The following MTR variants were observed in gnomAD, a reference collection of about 807,000 sequenced individuals.
MTR encodes methionine synthase.
Under a neutral mutation model 154.8 loss-of-function variants are expected in MTR, and 84 were observed. The ratio of observed to expected loss-of-function variants is 0.54; its 90% confidence interval spans 0.45 to 0.65. The LOEUF (loss-of-function observed/expected upper bound fraction) is 0.65, where lower values mean the gene tolerates loss of function less well. MTR is among the 30% of genes least tolerant of loss of function. MTR has a pLI of 0.00. For missense variants in MTR, 1,275 were observed against 1,570.2 expected (o/e 0.81, Z 3.18); for synonymous variants, 554 against 553.9 (o/e 1.00, Z 0.00).
chr1:236,895,695 G>GTTAT, intron 31 of MTR, 145 bp downstream of exon 31: 1 of 626,612 alleles, frequency 1.6e-6, no homozygotes, highest in South Asian at 2.0e-5. Flanking sequence ...TTCACTCGTA[G>GTTAT]CTATTCTGCA....
At chr1:236,859,943 CT>C in intron 19 of MTR, 21 bp downstream of exon 19, 1 of 1,598,126 alleles carries the variant, frequency 6.3e-7, no homozygotes, top group African/African-American at 1.3e-5. Context: ...GGGGCCTGAA[CT>C]GGAGGGCTGG....
chr1:236,865,202 G>C (rs1664758461), intron 22 of MTR, among the ~76,000 whole-genome samples: 1 of 152,228 alleles, frequency 6.6e-6, no homozygotes, highest in Non-Finnish European at 1.5e-5. Flanking sequence ...TATGTGTTGG[G>C]CACTGAGGGT....
chr1:236,858,248 C>T (rs544591644), intron 18 of MTR, among the ~76,000 whole-genome samples: 1 of 152,222 alleles, frequency 6.6e-6, no homozygotes, highest in East Asian at 1.9e-4. Context: ...GTGAAAAGCA[C>T]GTCTTACATG....
rs1487152848 is a variant in MTR at position 236,897,103 on chromosome 1, G to C, written c.3696G>C (p.Lys1232Asn). 6.2e-7 allele frequency: 1 copy of C among 1,612,060 alleles called. No individual in the cohort carries two copies. The highest frequency in any genetic ancestry group is 8.5e-7 in the Non-Finnish European group (1 of 1,178,236). ...NLKSKYFAVG[K>N]ISKDQVEDYA... Reference sequence around the variant, plus strand: ...AGTCCAAATATTTTGCTGTGGGGAAGATTTCCAAGGATCAGGTAAGCTAGC... The same window carrying C: ...AGTCCAAATATTTTGCTGTGGGGAACATTTCCAAGGATCAGGTAAGCTAGC... The change falls in exon 32 of 33, where the codon AAG becomes AAC. Residue 1232 changes from lysine (K) to asparagine (N), a missense_variant. By Grantham distance (94) the Lys-to-Asn change is moderately conservative. Transcript: ENST00000366577.
intron 6 of MTR, among the ~76,000 whole-genome samples, chr1:236,813,821 T>C (rs1269449509): frequency 6.6e-6 from 1 of 152,118 alleles, no homozygotes; most frequent in Non-Finnish European, 1.5e-5. Flanking sequence ...TTTATGGTGG[T>C]GATGGTGGTA....
chr1:236,847,693 A>G (rs1663662703), intron 15 of MTR, among the ~76,000 whole-genome samples: 1 of 152,188 alleles, frequency 6.6e-6, no homozygotes, highest in Non-Finnish European at 1.5e-5. Context: ...GCTTTTACAA[A>G]ACACTTGCTG....
chr1:236,897,314 A>ACGCGCGCGCG (rs1389522645), intron 32 of MTR, among the ~76,000 whole-genome samples, 196 bp downstream of exon 32: 4 of 80,836 alleles, frequency 4.9e-5, no homozygotes, highest in African/African-American at 1.8e-4. Context: ...ACACACGCAC[A>ACGCGCGCGCG]CACACACACA....
intron 19 of MTR, 38 bp downstream of exon 19, chr1:236,859,960 C>A: frequency 6.4e-7 from 1 of 1,551,844 alleles, no homozygotes; most frequent in Non-Finnish European, 8.9e-7. Flanking sequence ...GCTGGAGGCT[C>A]ATCATGGCTG....
intron 24 of MTR, among the ~76,000 whole-genome samples, chr1:236,877,445 C>G (rs1229265211): frequency 6.6e-6 from 1 of 152,194 alleles, no homozygotes; most frequent in Non-Finnish European, 1.5e-5. Flanking sequence ...AACCACTGTT[C>G]TTTCTTGTCA....
intron 5 of MTR, among the ~76,000 whole-genome samples, chr1:236,811,303 A>G (rs1475526719): frequency 6.6e-6 from 1 of 152,198 alleles, no homozygotes; most frequent in East Asian, 1.9e-4. Context: ...ATTCAAGACG[A>G]GATTTGGGTG....
chr1:236,846,159 C>T (rs1412061151), intron 15 of MTR, among the ~76,000 whole-genome samples: 1 of 152,148 alleles, frequency 6.6e-6, no homozygotes, highest in African/African-American at 2.4e-5. Context: ...TTTGTTGTTG[C>T]TAATAGTTTT....
At chr1:236,840,756 C>T (rs1009416925) in intron 15 of MTR, among the ~76,000 whole-genome samples, 3 of 152,170 alleles carry the variant, frequency 2.0e-5, no homozygotes, top group Admixed American at 6.5e-5. Context: ...GTTTTACTTA[C>T]TATTATTGAA....
At position 236,810,606 on chromosome 1, in the gene MTR, A is replaced by G; in HGVS notation, c.502+11A>G. The stretch of plus-strand genomic sequence containing the variant: ...ATTATAGGAACATCAGTGAGTATTT[A>G]CCACATATAATCATTGATCTTGGGG... On this transcript the variant is annotated intron_variant, in intron 5 of 32. Transcript: ENST00000366577. The G allele has an allele frequency of 2.5e-6, 4 of 1,601,404 alleles. No individual in the cohort carries two copies. Among genetic ancestry groups the G allele is most frequent in the Non-Finnish European group, 3.4e-6 (4 of 1,168,544 alleles).
At chr1:236,808,591 A>G (rs1661120811) in intron 3 of MTR, 113 bp from the exon 4 acceptor site, 1 of 1,041,864 alleles carries the variant, frequency 9.6e-7, no homozygotes. Flanking sequence ...CCTCAGATTA[A>G]TTCACTCTAC....
chr1:236,831,442 C>G (rs1198678907), intron 12 of MTR, among the ~76,000 whole-genome samples: 2 of 152,190 alleles, frequency 1.3e-5, no homozygotes, highest in African/African-American at 4.8e-5. Context: ...TCTCAGGTCT[C>G]AACCTGGATC....
chr1:236,840,938 A>C (rs1663194186), intron 15 of MTR, among the ~76,000 whole-genome samples: 1 of 152,190 alleles, frequency 6.6e-6, no homozygotes, highest in Non-Finnish European at 1.5e-5. Flanking sequence ...ACGTTGTTAA[A>C]ATTGTCCATC....
intron 22 of MTR, among the ~76,000 whole-genome samples, chr1:236,866,228 C>T (rs1028032290): frequency 5.3e-5 from 8 of 152,146 alleles, no homozygotes; most frequent in Non-Finnish European, 1.2e-4. Context: ...GCTCATTTCA[C>T]GTCTCTGTGT....
intron 28 of MTR, among the ~76,000 whole-genome samples, chr1:236,889,956 A>G (rs564953933): frequency 1.3e-5 from 2 of 152,200 alleles, no homozygotes; most frequent in South Asian, 4.1e-4. Context: ...GTGAGGTGTT[A>G]AATTACTACC....
chr1:236,799,240 G>T (rs549377465), intron 1 of MTR, among the ~76,000 whole-genome samples: 33 of 151,936 alleles, frequency 2.2e-4, no homozygotes, highest in African/African-American at 8.0e-4. Flanking sequence ...TCTTGCCTCA[G>T]CCTTACTAGT....
Sources: allele counts gnomAD v4.1 joint callset (sites outside exome capture counted in the v4.1 genomes callset), GRCh38; gene constraint gnomAD v4.1.1; transcripts MANE v1.5; gene names NCBI Gene and HGNC (gene_info 2026-07-23, HGNC 2026-07-21).